ABL1: variants seen among roughly 807,000 people sequenced by gnomAD.
The protein encoded by ABL1 is tyrosine-protein kinase ABL1.
In ABL1, 11 loss-of-function variants were observed where a neutral mutation model predicts 94.7. That is an observed-to-expected ratio of 0.12 (90% CI 0.07 to 0.19). ABL1 has a LOEUF of 0.19. ABL1 is among the 10% of genes least tolerant of loss of function. ABL1 has a pLI of 1.00. For synonymous variants in ABL1, 656 were observed against 622.4 expected, an observed-to-expected ratio of 1.05 and a Z score of -0.80; for missense variants, 1,082 against 1,489.4, an observed-to-expected ratio of 0.73 and a Z score of 4.50.
intron 1 of ABL1, among the ~76,000 whole-genome samples, chr9:130,761,859 A>G (rs934056707): frequency 1.3e-4 from 20 of 152,296 alleles, no homozygotes; most frequent in Admixed American, 7.8e-4. Context: ...AAGAAAATTC[A>G]CATCTGGGCT....
At chr9:130,718,334 A>G (rs1027552234) in intron 1 of ABL1, among the ~76,000 whole-genome samples, 3 of 151,632 alleles carry the variant, frequency 2.0e-5, no homozygotes, top group Non-Finnish European at 2.9e-5. Context: ...AAAAAAAAAA[A>G]AAAGAAACTA....
rs941767206 is a variant in ABL1 at position 130,887,211 on chromosome 9, C to T, written c.*1528C>T. 2 of 233,138 alleles carry T rather than the reference C, an allele frequency of 8.6e-6. No individual in the cohort carries two copies. The highest frequency in any genetic ancestry group is 1.7e-5 in the Non-Finnish European group (2 of 118,024). The allele number at this position is 233,138 out of a possible 1,614,324, so 14.4% of individuals were successfully genotyped here. A position where few individuals can be genotyped will look rare whatever the true frequency, so the allele number is the denominator to read the frequency against. On this transcript the variant is annotated 3_prime_UTR_variant, in exon 11 of 11. Coordinates refer to ENST00000318560, the MANE Select transcript of ABL1 (RefSeq NM_005157.6). ...GCCAGCAGCCTCGCACAGGCCCTAG[C>T]TTTACGCTCATCACCTAAACTTGTA...
At chr9:130,842,422 T>C (rs111993445) in intron 1 of ABL1, among the ~76,000 whole-genome samples, 1 of 152,368 alleles carries the variant, frequency 6.6e-6, no homozygotes, top group African/African-American at 2.4e-5. Flanking sequence ...ACCTAGTCTT[T>C]ATCTGTCTTA....
chr9:130,829,054 C>A (rs1208339947), intron 1 of ABL1, among the ~76,000 whole-genome samples: 1 of 152,116 alleles, frequency 6.6e-6, no homozygotes, highest in Admixed American at 6.5e-5. Flanking sequence ...AATGGGATTG[C>A]ATCTCTAAAC....
rs1174294624 is a variant in ABL1, at chr9:130,862,778, G to T, written c.565G>T (p.Glu189Ter). The change falls in exon 4 of 11, where the codon GAG becomes TAG. Residue 189 changes from glutamate (E) to a stop codon, truncating the protein, a stop_gained. Transcript: ENST00000318560. LOFTEE classifies it high-confidence loss of function. This position sits in a 1 kb window ranked among gnomAD's most constrained non-coding sequence, Gnocchi z 5.5. ...TTTCCTTCAGCTCTACGTCTCCTCC[G>T]AGAGCCGCTTCAACACCCTGGCCGA... ...ASDGKLYVSS[E>*]SRFNTLAELV... 6.2e-7 allele frequency: 1 copy of T among 1,613,706 alleles called. No individual in the cohort carries two copies. The highest frequency in any genetic ancestry group is 1.3e-5 in the African/African-American group (1 of 74,830).
chr9:130,863,379 G>T lies in ABL1; in HGVS notation c.822+344G>T, dbSNP rs144944490. Among the ~76,000 whole-genome samples, 2 of 152,080 alleles carry T rather than the reference G, an allele frequency of 1.3e-5. No homozygotes were observed. The highest frequency in any genetic ancestry group is 4.8e-5 in the African/African-American group (2 of 41,390). The stretch of plus-strand genomic sequence containing the variant: ...TGCGGCATGGAGATCACTTCCTACC[G>T]AGAGTTAAGGAGGAAAAAAAGATCT... On this transcript the variant is annotated intron_variant, in intron 4 of 10. Transcript: ENST00000318560. The surrounding 1 kb of genome is among the most constrained non-coding windows in gnomAD (Gnocchi z 4.3).
chr9:130,834,613 G>A (rs538023704), upstream of ABL1, among the ~76,000 whole-genome samples: 1 of 152,348 alleles, frequency 6.6e-6, no homozygotes, highest in Non-Finnish European at 1.5e-5. Flanking sequence ...GGCCCAGACC[G>A]TGCCTCCGAA....
chr9:130,742,527 T>C (rs1173828229), intron 1 of ABL1, among the ~76,000 whole-genome samples: 3 of 152,228 alleles, frequency 2.0e-5, no homozygotes, highest in East Asian at 3.8e-4. Flanking sequence ...GTTGCTGCCA[T>C]TGAGGGCTTT....
At chr9:130,724,562 C>T (rs762495460) in intron 1 of ABL1, among the ~76,000 whole-genome samples, 7 of 151,566 alleles carry the variant, frequency 4.6e-5, no homozygotes, top group Non-Finnish European at 8.8e-5. Context: ...GTAATCCCAG[C>T]ACTTTAGGAG....
intron 1 of ABL1, among the ~76,000 whole-genome samples, chr9:130,744,657 C>A (rs1485667617): frequency 6.7e-6 from 1 of 150,240 alleles, no homozygotes; most frequent in African/African-American, 2.4e-5. Context: ...TCGAGACCAT[C>A]CTGGCTAATG....
intron 1 of ABL1, among the ~76,000 whole-genome samples, chr9:130,729,158 C>CT (rs1250917448): frequency 2.0e-5 from 3 of 152,118 alleles, no homozygotes; most frequent in South Asian, 4.1e-4. Flanking sequence ...AATGCTTGGC[C>CT]TTTTTGGGGT....
chr9:130,735,112 C>G (rs1831717942), intron 1 of ABL1, among the ~76,000 whole-genome samples: 1 of 152,066 alleles, frequency 6.6e-6, no homozygotes, highest in Non-Finnish European at 1.5e-5. Flanking sequence ...TTACCGCAAC[C>G]TCCGCCGCCT....
chr9:130,757,053 G>C lies in ABL1; in HGVS notation c.136+42598G>C, dbSNP rs539509933. Among the ~76,000 whole-genome samples, 4 of 152,176 alleles carry C rather than the reference G, an allele frequency of 2.6e-5. No homozygotes were observed. In the South Asian group the frequency reaches 8.3e-4, roughly 32 times the overall value. ...CATTCTGCAGAATTCCCTTCCAGCC[G>C]TCTGTGAGAAGGCAGTTTGGGACCC... On this transcript the variant is annotated intron_variant, in intron 1 of 10. Transcript: ENST00000372348.
rs549677856 is a variant in ABL1, at chr9:130,737,433, A to C, written c.136+22978A>C. On this transcript the variant is annotated intron_variant, in intron 1 of 10. Coordinates refer to the ABL1 transcript ENST00000372348. ...CACGTGTGCACTACCACACCCAGCTAATTTTTGTATCTTTTGTAGAGATGG... is the reference window on the plus strand; with the variant it reads ...CACGTGTGCACTACCACACCCAGCTCATTTTTGTATCTTTTGTAGAGATGG... Among the ~76,000 whole-genome samples the C allele has an allele frequency of 7.3e-4, 111 of 151,786 alleles. 2 individuals carry two copies. Among genetic ancestry groups the C allele is most frequent in the African/African-American group, 2.6e-3 (108 of 41,348 alleles).
At chr9:130,823,502 G>A (rs539206624) in intron 1 of ABL1, among the ~76,000 whole-genome samples, 88 of 152,216 alleles carry the variant, frequency 5.8e-4, no homozygotes, top group African/African-American at 1.7e-3. Flanking sequence ...GCTGACAGTC[G>A]CGGTCCTGGA....
chr9:130,837,195 C>T (rs1830602250), intron 1 of ABL1, among the ~76,000 whole-genome samples: 1 of 152,190 alleles, frequency 6.6e-6, no homozygotes, highest in Non-Finnish European at 1.5e-5. Flanking sequence ...TTATTTGTCC[C>T]TAAAAGTTGA....
intron 1 of ABL1, among the ~76,000 whole-genome samples, chr9:130,771,753 T>TTTCTTTC (rs373380195): frequency 0.067 from 3,406 of 50,630 alleles, 35 homozygotes; most frequent in Middle Eastern, 0.15. Context: ...TCTTTCTTTC[T>TTTCTTTC]TTTTTTTTTT....
rs1307879592 is a variant in ABL1, at chr9:130,835,828, G to A, written c.79+303G>A. On this transcript the variant is annotated intron_variant, in intron 1 of 10. Transcript: ENST00000318560. The surrounding 1 kb of genome is among the most constrained non-coding windows in gnomAD (Gnocchi z 4.6). Reference sequence around the variant, plus strand: ...CGGCGGAGCGTGGCCCCCAGCCCCGGCACCAGCCCCGGTAGAGCCACGCCG... The same window carrying A: ...CGGCGGAGCGTGGCCCCCAGCCCCGACACCAGCCCCGGTAGAGCCACGCCG... Among the ~76,000 whole-genome samples the A allele has an allele frequency of 6.6e-6, 1 of 152,096 alleles. No individual in the cohort carries two copies. Among genetic ancestry groups the A allele is most frequent in the Non-Finnish European group, 1.5e-5 (1 of 67,986 alleles).
At chr9:130,718,875 C>G (rs540510626) in intron 1 of ABL1, among the ~76,000 whole-genome samples, 16 of 152,120 alleles carry the variant, frequency 1.1e-4, no homozygotes, top group African/African-American at 3.9e-4. Flanking sequence ...GAGCAAGACC[C>G]CATCTCAAAA....
Sources: gnomAD v4.1 joint callset for allele counts (sites outside exome capture counted in the v4.1 genomes callset) on GRCh38, gnomAD v4.1.1 for gene constraint, Gnocchi (gnomAD v3.1) non-coding constraint, MANE v1.5 for transcripts, NCBI Gene and HGNC (gene_info 2026-07-23, HGNC 2026-07-21) for gene names.